Variants in ZNF660 observed in about 807,000 individuals in gnomAD.
ZNF660 encodes zinc finger protein 660.
ZNF660 carries 24 observed loss-of-function variants against 23.2 expected under a neutral mutation model. That is an observed-to-expected ratio of 1.04 (90% CI 0.75 to 1.46). The LOEUF (loss-of-function observed/expected upper bound fraction) is 1.46. ZNF660 is among the 40% of genes most tolerant of loss of function. The pLI is 0.00. For synonymous variants in ZNF660, 117 were observed against 131.4 expected (o/e 0.89, Z 0.75); for missense variants, 373 against 396.8 (o/e 0.94, Z 0.51).
rs1700591269 is a variant in ZNF660 at position 44,595,820 on chromosome 3, G to A, written c.*631G>A. 2 of 167,092 alleles carry A rather than the reference G, an allele frequency of 1.2e-5. No homozygotes were observed. The highest frequency in any genetic ancestry group is 1.9e-4 in the East Asian group (1 of 5,208). 10.4% of individuals were successfully genotyped at this position (167,092 alleles called of 1,614,324 possible). ...TGGCATTTAGCAGCAGTGGAACCGC[G>A]AGCAAGTCCCTTCCTTTTAGAGCGT... On this transcript the variant is annotated 3_prime_UTR_variant, in exon 3 of 3. Transcript: ENST00000322734.
In ZNF660 at chr3:44,595,264, T is replaced by A; in HGVS notation, c.*75T>A. 1 of 1,442,718 alleles carries A rather than the reference T, an allele frequency of 6.9e-7. No homozygotes were observed. Among genetic ancestry groups the A allele is most frequent in the Non-Finnish European group, 9.3e-7 (1 of 1,078,014 alleles). 89.4% of individuals were successfully genotyped at this position (1,442,718 alleles called of 1,614,324 possible). On this transcript the variant is annotated 3_prime_UTR_variant, in exon 3 of 3. Transcript: ENST00000322734. Reference sequence around the variant, plus strand: ...AGTTCTTTAGTATCAACTTTAATTCTACTTCTAAGAATCATACTCTACTTC... The same window carrying A: ...AGTTCTTTAGTATCAACTTTAATTCAACTTCTAAGAATCATACTCTACTTC...
intron 1 of ZNF660, among the ~76,000 whole-genome samples, 180 bp downstream of exon 1, chr3:44,585,187 G>A (rs1252106362): frequency 1.3e-5 from 2 of 152,116 alleles, no homozygotes; most frequent in African/African-American, 4.8e-5. Context: ...TTTGTCTTGG[G>A]TCCAGTCTCT....
In ZNF660 at chr3:44,594,651, A is replaced by C; in HGVS notation, c.458A>C (p.His153Pro). ...FSRSSGLISH[H>P]RVHTGEKPYS... ...CGGAGTTCGGGCCTTATATCACATCACAGAGTTCACACCGGAGAGAAGCCC... is the reference window on the plus strand; with the variant it reads ...CGGAGTTCGGGCCTTATATCACATCCCAGAGTTCACACCGGAGAGAAGCCC... The change falls in exon 3 of 3, where the codon CAC (histidine) becomes CCC (proline). Residue 153 changes from histidine to proline, a missense_variant. His to Pro is a moderately conservative substitution (Grantham distance 77). Coordinates refer to ENST00000322734, the MANE Select transcript of ZNF660 (RefSeq NM_173658.4). The C allele has an allele frequency of 6.2e-7, 1 of 1,614,136 alleles. No individual in the cohort carries two copies. Among genetic ancestry groups the C allele is most frequent in the Non-Finnish European group, 8.5e-7 (1 of 1,180,020 alleles).
rs764976546 is a variant in ZNF660, at chr3:44,595,206, G to A, written c.*17G>A. 2 of 1,531,474 alleles carry A rather than the reference G, an allele frequency of 1.3e-6. No individual in the cohort carries two copies. Among genetic ancestry groups the A allele is most frequent in the Non-Finnish European group, 1.8e-6 (2 of 1,142,274 alleles). The allele number at this position is 1,531,474 out of a possible 1,614,324, so 94.9% of individuals were successfully genotyped here. ...ACCTCATAAATAACAAATATTGTGG[G>A]TAGTAGGGCTGACTGCTGCTTTTCT... On this transcript the variant is annotated 3_prime_UTR_variant, in exon 3 of 3. Coordinates refer to ENST00000322734, the MANE Select transcript of ZNF660 (RefSeq NM_173658.4).
At chr3:44,592,985 G>A (rs1186648744) in intron 2 of ZNF660, among the ~76,000 whole-genome samples, 28 of 151,954 alleles carry the variant, frequency 1.8e-4, no homozygotes, top group African/African-American at 5.3e-4. Context: ...CCTGGGAGGC[G>A]GAGCTTGCAG....
At chr3:44,591,184 A>G (rs1700412540) in intron 2 of ZNF660, among the ~76,000 whole-genome samples, 1 of 152,134 alleles carries the variant, frequency 6.6e-6, no homozygotes, top group African/African-American at 2.4e-5. Flanking sequence ...GCTGAAGTGC[A>G]GTGGCATAAT....
chr3:44,597,398 T>C lies in ZNF660; in HGVS notation c.*2209T>C, dbSNP rs1700646141. On this transcript the variant is annotated 3_prime_UTR_variant, in exon 3 of 3. Transcript: ENST00000322734. The surrounding 1 kb of genome is among the most constrained non-coding windows in gnomAD (Gnocchi z 4.1). Reference sequence around the variant, plus strand: ...TGTACCTCATAATTTAGTTTTAAGGTATATATATTTCTTTCTTGCTGTTAC... The same window carrying C: ...TGTACCTCATAATTTAGTTTTAAGGCATATATATTTCTTTCTTGCTGTTAC... The C allele has an allele frequency of 6.6e-6, 1 of 152,166 alleles. No homozygotes were observed. Among genetic ancestry groups the C allele is most frequent in the Non-Finnish European group, 1.5e-5 (1 of 68,032 alleles). 9.4% of individuals were successfully genotyped at this position (152,166 alleles called of 1,614,324 possible). A position where few individuals can be genotyped will look rare whatever the true frequency, so the allele number is the denominator to read the frequency against.
chr3:44,590,857 T>C (rs1234451717), intron 2 of ZNF660, among the ~76,000 whole-genome samples: 1 of 152,170 alleles, frequency 6.6e-6, no homozygotes, highest in African/African-American at 2.4e-5. Context: ...CCTTAATGAT[T>C]AGGAGAGGTA....
rs774939687 is a variant in ZNF660 at position 44,595,024 on chromosome 3, T to C, written c.831T>C (p.Asn277=). 3.7e-6 allele frequency: 6 copies of C among 1,613,918 alleles called. No individual in the cohort carries two copies. The South Asian group carries it at 4.4e-5, about 12-fold the overall frequency. ...CTGGAGAGAAACCCTATAAATGTAA[T>C]GAATGTGGGAAAACCTTCAGGCAGA... ...VHTGEKPYKC[N]ECGKTFRQTS... The change falls in exon 3 of 3, where the codon AAT becomes AAC. Residue 277 remains asparagine (N), a synonymous_variant. Transcript: ENST00000322734.
rs1183871578 is a variant in ZNF660 at position 44,598,233 on chromosome 3, C to T, written c.*3044C>T. 1 of 150,780 alleles carries T rather than the reference C, an allele frequency of 6.6e-6. No individual in the cohort carries two copies. Among genetic ancestry groups the T allele is most frequent in the Non-Finnish European group, 1.5e-5 (1 of 67,838 alleles). 9.3% of individuals were successfully genotyped at this position (150,780 alleles called of 1,614,324 possible). On this transcript the variant is annotated 3_prime_UTR_variant, in exon 3 of 3. Coordinates refer to ENST00000322734, the MANE Select transcript of ZNF660 (RefSeq NM_173658.4). ...TCAGCTCTCAGCTCACCGCAACCTC[C>T]AGCTCCCAGGTTCAAGCAATTCTCC...
At position 44,595,033 on chromosome 3, in the gene ZNF660, G is replaced by A; in HGVS notation, c.840G>A (p.Gly280=). ...AACCCTATAAATGTAATGAATGTGG[G>A]AAAACCTTCAGGCAGACTTCTCAAG... ...GEKPYKCNEC[G]KTFRQTSQVI... Residue 280 remains glycine, a synonymous_variant, in exon 3 of 3, where the codon GGG becomes GGA. Transcript: ENST00000322734. The A allele has an allele frequency of 6.2e-7, 1 of 1,613,950 alleles. No homozygotes were observed. The highest frequency in any genetic ancestry group is 8.5e-7 in the Non-Finnish European group (1 of 1,180,004).
At position 44,594,147 on chromosome 3, in the gene ZNF660, G is replaced by A. The variant is rs550383198; in HGVS notation, c.-47G>A. Reference sequence around the variant, plus strand: ...AAAATTTAGAAGGCTCCTCTGAAGGGAAAGAGAAGACTAGAGAGGACACTG... The same window carrying A: ...AAAATTTAGAAGGCTCCTCTGAAGGAAAAGAGAAGACTAGAGAGGACACTG... On this transcript the variant is annotated 5_prime_UTR_variant, in exon 3 of 3. Coordinates refer to ENST00000322734, the MANE Select transcript of ZNF660 (RefSeq NM_173658.4). The A allele has an allele frequency of 1.2e-6, 2 of 1,610,684 alleles. No individual in the cohort carries two copies. Among genetic ancestry groups the A allele is most frequent in the African/African-American group, 2.7e-5 (2 of 74,776 alleles).
At chr3:44,590,770 T>C (rs1390358312) in intron 2 of ZNF660, among the ~76,000 whole-genome samples, 5 of 152,188 alleles carry the variant, frequency 3.3e-5, no homozygotes, top group Admixed American at 2.0e-4. Flanking sequence ...TCACAGAACT[T>C]TGAAGGTGAG....
Position 44,594,799 on chromosome 3 carries a change from T to C in ZNF660, c.606T>C (p.Asn202=), listed in dbSNP as rs981199964. 6.2e-7 allele frequency: 1 copy of C among 1,614,142 alleles called. No homozygotes were observed. The highest frequency in any genetic ancestry group is 8.5e-7 in the Non-Finnish European group (1 of 1,180,018). The part of the protein sequence containing the change: ...CKECGKTCGS[N]TKIMDHQRIH... The stretch of plus-strand genomic sequence containing the variant: ...AGTGTGGGAAAACATGTGGTTCTAA[T>C]ACAAAGATTATGGACCATCAGAGAA... The change falls in exon 3 of 3, where the codon AAT becomes AAC. Residue 202 remains asparagine, a synonymous_variant. Transcript: ENST00000322734.
Position 44,594,479 on chromosome 3 carries a change from C to A in ZNF660, c.286C>A (p.His96Asn). ...CAGTCATAGCTCTAACCTTGTTGTTCATCGGAGAATCCACACTGGACTGAA... is the reference window on the plus strand; with the variant it reads ...CAGTCATAGCTCTAACCTTGTTGTTAATCGGAGAATCCACACTGGACTGAA... ...AFSHSSNLVV[H>N]RRIHTGLKPY... The change falls in exon 3 of 3, where the codon CAT becomes AAT. Residue 96 changes from histidine (H) to asparagine (N), a missense_variant. By Grantham distance (68) the His-to-Asn change is moderately conservative (BLOSUM62 1). Coordinates refer to ENST00000322734, the MANE Select transcript of ZNF660 (RefSeq NM_173658.4). The A allele has an allele frequency of 6.2e-7, 1 of 1,614,084 alleles. No individual in the cohort carries two copies.
intron 2 of ZNF660, among the ~76,000 whole-genome samples, chr3:44,590,134 CTTA>C: frequency 6.6e-6 from 1 of 151,866 alleles, no homozygotes. Flanking sequence ...AATTTGCTCT[CTTA>C]TTGTTTTTCC....
In ZNF660 at chr3:44,597,222, G is replaced by T. The variant is rs958563865; in HGVS notation, c.*2033G>T. On this transcript the variant is annotated 3_prime_UTR_variant, in exon 3 of 3. Transcript: ENST00000322734. The surrounding 1 kb of genome is among the most constrained non-coding windows in gnomAD (Gnocchi z 4.1). ...CAAAGTGCCTCTGCCCACCATGGTG[G>T]TTCTGTATGTGAGTGGAAGACCAGT... The T allele has an allele frequency of 6.6e-6, 1 of 152,180 alleles. No individual in the cohort carries two copies. Among genetic ancestry groups the T allele is most frequent in the Non-Finnish European group, 1.5e-5 (1 of 68,038 alleles). 9.4% of individuals were successfully genotyped at this position (152,180 alleles called of 1,614,324 possible).
At position 44,596,209 on chromosome 3, in the gene ZNF660, A is replaced by G. The variant is rs1006700141; in HGVS notation, c.*1020A>G. On this transcript the variant is annotated 3_prime_UTR_variant, in exon 3 of 3. Transcript: ENST00000322734. The stretch of plus-strand genomic sequence containing the variant: ...ACAAACTTTGGGGTTGGAGATATCC[A>G]TGTTCTAACCCCAGTTCTACCATGA... The G allele has an allele frequency of 1.3e-5, 2 of 153,556 alleles. No homozygotes were observed. Among genetic ancestry groups the G allele is most frequent in the Non-Finnish European group, 2.9e-5 (2 of 68,040 alleles). 9.5% of individuals were successfully genotyped at this position (153,556 alleles called of 1,614,324 possible). A position where few individuals can be genotyped will look rare whatever the true frequency, so the allele number is the denominator to read the frequency against.
chr3:44,593,556 A>G (rs1212036266), intron 2 of ZNF660, among the ~76,000 whole-genome samples: 1 of 152,072 alleles, frequency 6.6e-6, no homozygotes, highest in Admixed American at 6.5e-5. Context: ...TCTGCTAAAA[A>G]TACAAAAAAT....
Sources: gnomAD v4.1 joint callset for allele counts (sites outside exome capture counted in the v4.1 genomes callset) on GRCh38, gnomAD v4.1.1 for gene constraint, Gnocchi (gnomAD v3.1) non-coding constraint, MANE v1.5 for transcripts, NCBI Gene and HGNC (gene_info 2026-07-23, HGNC 2026-07-21) for gene names.